Variants in MTUS2 observed in about 807,000 individuals in gnomAD.
MTUS2 encodes microtubule-associated tumor suppressor candidate 2.
MTUS2 carries 40 observed loss-of-function variants against 114.1 expected under a neutral mutation model. The ratio of observed to expected loss-of-function variants is 0.35; its 90% CI spans 0.27 to 0.46. MTUS2 has a LOEUF of 0.46. Among genes scored for constraint, MTUS2 ranks in the 20% least tolerant of loss-of-function variants. The probability of loss-of-function intolerance (pLI) is 1.00; values close to 1 mark genes in which losing one functional copy is unlikely to be tolerated. For missense variants in MTUS2, 1,679 were observed against 1,705.4 expected (o/e 0.98, Z 0.27); for synonymous variants, 688 against 672.0 (o/e 1.02, Z -0.37).
At chr13:28,912,143 G>C (rs1880478102) in intron 2 of MTUS2, among the ~76,000 whole-genome samples, 1 of 151,918 alleles carries the variant, frequency 6.6e-6, no homozygotes, top group African/African-American at 2.4e-5. Flanking sequence ...ATAGTTTTGA[G>C]TTTTACATTT....
At position 28,953,712 on chromosome 13, in the gene MTUS2, A is replaced by G. The variant is rs561357690; in HGVS notation, c.-242-70745A>G. On this transcript the variant is annotated intron_variant, in intron 2 of 15. Coordinates refer to ENST00000612955, the MANE Select transcript of MTUS2 (RefSeq NM_001033602.4). ...CTCCATGCATTCCTAGGTTGTACAT[A>G]TAGTCCCCTCCCTAGATTTTCTTCT... Among the ~76,000 whole-genome samples the G allele has an allele frequency of 3.0e-4, 46 of 152,326 alleles. No homozygotes were observed. The South Asian group carries it at 5.6e-3, about 19-fold the overall frequency.
intron 8 of MTUS2, among the ~76,000 whole-genome samples, chr13:29,412,483 G>T (rs148759951): frequency 1.3e-5 from 2 of 152,110 alleles, no homozygotes; most frequent in Non-Finnish European, 2.9e-5. Flanking sequence ...TTATACAGTC[G>T]TTTGCATCTG....
chr13:29,069,839 G>A (rs996219845), intron 4 of MTUS2, among the ~76,000 whole-genome samples: 2 of 152,126 alleles, frequency 1.3e-5, no homozygotes, highest in Non-Finnish European at 2.9e-5. Flanking sequence ...GAATAATTTG[G>A]ATTTTTTTTG....
intron 4 of MTUS2, among the ~76,000 whole-genome samples, chr13:29,069,954 C>T (rs1415337219): frequency 6.6e-6 from 1 of 152,022 alleles, no homozygotes; most frequent in African/African-American, 2.4e-5. Flanking sequence ...GATTTTATAA[C>T]AAAAAGGGGA....
At chr13:28,939,513 G>A (rs1294772708) in intron 2 of MTUS2, among the ~76,000 whole-genome samples, 1 of 152,052 alleles carries the variant, frequency 6.6e-6, no homozygotes, top group Non-Finnish European at 1.5e-5. Context: ...TAATATTTAA[G>A]AAGCATCAAC....
chr13:29,329,295 T>G (rs1415541360), intron 7 of MTUS2, among the ~76,000 whole-genome samples: 1 of 122,884 alleles, frequency 8.1e-6, no homozygotes, highest in African/African-American at 3.1e-5. Flanking sequence ...CCCCACCCCC[T>G]GACAGGCCCG....
chr13:29,270,602 T>C (rs1897847591), intron 5 of MTUS2, among the ~76,000 whole-genome samples: 1 of 152,226 alleles, frequency 6.6e-6, no homozygotes. Context: ...TTCTCTGAAG[T>C]TTCATCTCTC....
chr13:29,364,123 G>A (rs1440729736), intron 8 of MTUS2, among the ~76,000 whole-genome samples: 9 of 152,090 alleles, frequency 5.9e-5, no homozygotes, highest in Non-Finnish European at 1.2e-4. Flanking sequence ...GGGGGGAAAC[G>A]CACAATTGCA....
intron 9 of MTUS2, among the ~76,000 whole-genome samples, chr13:29,455,884 G>A (rs567437542): frequency 1.4e-4 from 21 of 152,234 alleles, no homozygotes; most frequent in Admixed American, 1.2e-3. Context: ...AGGAGGCTGA[G>A]GTGGAAGGAT....
chr13:28,852,948 A>C (rs369852830), intron 2 of MTUS2, among the ~76,000 whole-genome samples: 4 of 9,176 alleles, frequency 4.4e-4, no homozygotes, highest in Non-Finnish European at 7.5e-4. Context: ...CTCTGTCTTA[A>C]ATACATACAT....
rs117291163 is a variant in MTUS2 at position 29,405,494 on chromosome 13, T to C, written c.3118-34489T>C. 9.2e-3 allele frequency among the ~76,000 whole-genome samples: 1,407 copies of C among 152,276 alleles called. 10 individuals are homozygous for C. Among genetic ancestry groups the C allele is most frequent in the Non-Finnish European group, 0.016 (1,072 of 68,022 alleles). ...AAATTACATAGCACAGCCCACTCAA[T>C]AAAAGTCAGCTTCTGAAGTTCTATA... On this transcript the variant is annotated intron_variant, in intron 8 of 15. Transcript: ENST00000612955.
chr13:29,124,206 A>G (rs773700552), intron 5 of MTUS2, among the ~76,000 whole-genome samples: 17 of 152,318 alleles, frequency 1.1e-4, no homozygotes, highest in Non-Finnish European at 2.1e-4. Flanking sequence ...AGGGTATTTA[A>G]GATGAAGAAG....
intron 2 of MTUS2, among the ~76,000 whole-genome samples, chr13:29,010,493 C>T (rs1482158966): frequency 6.6e-6 from 1 of 152,110 alleles, no homozygotes. Context: ...TTCCTTGCCA[C>T]TTTCCTAACA....
chr13:29,280,920 C>G (rs1898240980), intron 5 of MTUS2, among the ~76,000 whole-genome samples: 1 of 152,156 alleles, frequency 6.6e-6, no homozygotes, highest in South Asian at 2.1e-4. Context: ...AAGTTTAGGC[C>G]AAACAACTTT....
chr13:28,951,090 C>T (rs905500687), intron 2 of MTUS2, among the ~76,000 whole-genome samples: 1 of 152,148 alleles, frequency 6.6e-6, no homozygotes, highest in Non-Finnish European at 1.5e-5. Context: ...CTAATAAATT[C>T]AGCAAAGTAC....
chr13:29,078,444 A>G (rs372122337), intron 4 of MTUS2, among the ~76,000 whole-genome samples: 1 of 152,206 alleles, frequency 6.6e-6, no homozygotes, highest in East Asian at 1.9e-4. Context: ...ATGTAAGCCT[A>G]TTCCTGAGCT....
intron 10 of MTUS2, among the ~76,000 whole-genome samples, chr13:29,483,753 T>G (rs73154407): frequency 0.027 from 4,036 of 152,284 alleles, 123 homozygotes; most frequent in African/African-American, 0.069. Context: ...ATAAAGGTGT[T>G]TAACATGTGA....
At chr13:29,054,879 G>A (rs1888060388) in intron 4 of MTUS2, among the ~76,000 whole-genome samples, 1 of 151,770 alleles carries the variant, frequency 6.6e-6, no homozygotes, top group East Asian at 1.9e-4. Flanking sequence ...CCAAATTTGG[G>A]GATTTCTTAG....
chr13:29,257,367 A>G (rs181467614), intron 5 of MTUS2, among the ~76,000 whole-genome samples: 2 of 152,316 alleles, frequency 1.3e-5, no homozygotes, highest in African/African-American at 4.8e-5. Flanking sequence ...TGTCATCACC[A>G]TCTTCTGCTA....
Sources: allele counts gnomAD v4.1 joint callset (sites outside exome capture counted in the v4.1 genomes callset), GRCh38; gene constraint gnomAD v4.1.1; transcripts MANE v1.5; gene names NCBI Gene and HGNC (gene_info 2026-07-23, HGNC 2026-07-21).